CACNA1B: variants seen among roughly 807,000 people sequenced by gnomAD.
The protein encoded by CACNA1B is calcium voltage-gated channel subunit alpha1 B.
A neutral mutation model predicts 247.2 loss-of-function variants in CACNA1B; 70 were observed. That is an observed-to-expected ratio of 0.28 (90% CI 0.23 to 0.35). The LOEUF (loss-of-function observed/expected upper bound fraction) is 0.35. CACNA1B is among the 10% of genes least tolerant of loss of function. The pLI, the probability that CACNA1B is intolerant of heterozygous loss-of-function variation, is 1.00. For missense variants in CACNA1B, 2,367 were observed against 3,197.4 expected (o/e 0.74, Z 6.26); for synonymous variants, 1,231 against 1,294.4 (o/e 0.95, Z 1.05).
At chr9:137,904,056 T>A (rs548088630) in intron 3 of CACNA1B, among the ~76,000 whole-genome samples, 1 of 152,296 alleles carries the variant, frequency 6.6e-6, no homozygotes, top group South Asian at 2.1e-4. Context: ...TCCTGCCAGT[T>A]TTTTCCTTTC....
chr9:138,025,304 G>T, intron 20 of CACNA1B, 132 bp downstream of exon 20: 1 of 644,508 alleles, frequency 1.6e-6, no homozygotes, highest in Non-Finnish European at 2.8e-6. Flanking sequence ...GCTGGAGAGA[G>T]AGTCCTTTGC....
intron 6 of CACNA1B, among the ~76,000 whole-genome samples, chr9:137,921,866 C>G (rs1589007971): frequency 6.8e-6 from 1 of 146,600 alleles, no homozygotes; most frequent in African/African-American, 2.6e-5. Flanking sequence ...GTTTGGAGAA[C>G]ATGATCAGCA....
At chr9:137,961,757 T>C (rs1218654026) in intron 10 of CACNA1B, among the ~76,000 whole-genome samples, 2 of 152,232 alleles carry the variant, frequency 1.3e-5, no homozygotes, top group Non-Finnish European at 2.9e-5. Flanking sequence ...GATAAGCTTT[T>C]TGATGTGCTG....
At chr9:137,945,266 A>G (rs1957781823) in intron 6 of CACNA1B, among the ~76,000 whole-genome samples, 1 of 152,324 alleles carries the variant, frequency 6.6e-6, no homozygotes, top group Admixed American at 6.5e-5. Flanking sequence ...AATCAGAGGG[A>G]ATGGATGGAG....
chr9:137,881,235 G>A lies in CACNA1B; in HGVS notation c.391-1509G>A, dbSNP rs118103462. On this transcript the variant is annotated intron_variant, in intron 2 of 46. Transcript: ENST00000371372. The surrounding 1 kb of genome is among the most constrained non-coding windows in gnomAD (Gnocchi z 4.3). ...CTAAACAAATCAGACCAGAAGGCTC[G>A]AGGCCAGGAAGAGCATGGGCGAGTC... 7.0e-4 allele frequency among the ~76,000 whole-genome samples: 106 copies of A among 152,304 alleles called. 1 individual carries two copies. The East Asian group carries it at 0.012, about 17-fold the overall frequency.
At position 137,881,120 on chromosome 9, in the gene CACNA1B, T is replaced by G. The variant is rs1199928107; in HGVS notation, c.391-1624T>G. 6.6e-6 allele frequency among the ~76,000 whole-genome samples: 1 copy of G among 152,172 alleles called. No individual in the cohort carries two copies. The highest frequency in any genetic ancestry group is 2.4e-5 in the African/African-American group (1 of 41,444). On this transcript the variant is annotated intron_variant, in intron 2 of 46. Transcript: ENST00000371372. The surrounding 1 kb of genome is among the most constrained non-coding windows in gnomAD (Gnocchi z 4.3). ...GCCTGTTCTCTTTTTCACCAGGAAG[T>G]TTCCTGTGAAGATCTCTGTCTGCTG...
intron 20 of CACNA1B, among the ~76,000 whole-genome samples, chr9:138,043,517 G>A (rs1959155188): frequency 1.3e-5 from 2 of 152,180 alleles, no homozygotes; most frequent in South Asian, 4.1e-4. Flanking sequence ...CACGGGTGCT[G>A]GGCTCGGTGT....
At position 138,023,111 on chromosome 9, in the gene CACNA1B, G is replaced by C. The variant is rs763316946; in HGVS notation, c.2368G>C (p.Glu790Gln). 6.5e-7 allele frequency: 1 copy of C among 1,535,890 alleles called. No individual in the cohort carries two copies. Among genetic ancestry groups the C allele is most frequent in the Non-Finnish European group, 8.7e-7 (1 of 1,148,378 alleles). The change falls in exon 19 of 47, where the codon GAG becomes CAG. Residue 790 changes from glutamate to glutamine, a missense_variant. Glu to Gln is a conservative substitution (Grantham distance 29). This residue lies in a region of CACNA1B where 631 missense variants were observed against 631.1 expected (regional missense o/e 1.00). Coordinates refer to ENST00000371372, the MANE Select transcript of CACNA1B (RefSeq NM_000718.4). ...GGCCAGCTGCGAGGCGCTGTACAGCGAGATGGACCCCGAGGAGCGGCTGCG... is the reference window on the plus strand; with the variant it reads ...GGCCAGCTGCGAGGCGCTGTACAGCCAGATGGACCCCGAGGAGCGGCTGCG... ...LRASCEALYSEMDPEERLRFA... is the reference protein window; with the variant it reads ...LRASCEALYSQMDPEERLRFA...
chr9:138,107,706 C>T (rs970900230), intron 39 of CACNA1B, among the ~76,000 whole-genome samples: 6 of 152,038 alleles, frequency 3.9e-5, no homozygotes, highest in East Asian at 3.9e-4. Flanking sequence ...GACTAATGGC[C>T]GGGCGCAGTG....
chr9:137,964,911 G>C (rs1434867765), intron 10 of CACNA1B, among the ~76,000 whole-genome samples: 50 of 152,184 alleles, frequency 3.3e-4, no homozygotes, highest in Admixed American at 3.3e-3. Context: ...TTTTCTGTTT[G>C]TTTGCTTTCC....
intron 31 of CACNA1B, among the ~76,000 whole-genome samples, chr9:138,069,416 A>G (rs1216565576): frequency 1.3e-5 from 2 of 152,228 alleles, no homozygotes; most frequent in Non-Finnish European, 2.9e-5. Flanking sequence ...TGCATTACAA[A>G]CAAGAATGCA....
intron 20 of CACNA1B, among the ~76,000 whole-genome samples, chr9:138,042,004 A>G (rs1312767786): frequency 6.6e-6 from 1 of 152,132 alleles, no homozygotes; most frequent in Non-Finnish European, 1.5e-5. Context: ...TCCTGGACTC[A>G]AGGGATCCCT....
chr9:137,931,641 G>T (rs532468436), intron 6 of CACNA1B, among the ~76,000 whole-genome samples: 1 of 152,040 alleles, frequency 6.6e-6, no homozygotes, highest in South Asian at 2.1e-4. Flanking sequence ...GCTTCATGCT[G>T]ATTTGGGCAC....
At chr9:137,941,817 T>TA (rs1002428651) in intron 6 of CACNA1B, among the ~76,000 whole-genome samples, 5 of 152,166 alleles carry the variant, frequency 3.3e-5, no homozygotes, top group African/African-American at 1.2e-4. Context: ...TCTTACCTTA[T>TA]AAAAAATCAA....
intron 13 of CACNA1B, among the ~76,000 whole-genome samples, chr9:137,985,092 C>T (rs7870208): frequency 0.28 from 41,847 of 152,142 alleles, 7,982 homozygotes; most frequent in East Asian, 0.64. Context: ...GCAGAACTGC[C>T]GACACTGAGC....
At chr9:137,920,431 A>C (rs1425735292) in intron 6 of CACNA1B, among the ~76,000 whole-genome samples, 1 of 152,196 alleles carries the variant, frequency 6.6e-6, no homozygotes, top group Non-Finnish European at 1.5e-5. Context: ...TCCTGACCTC[A>C]AGTGATCTAC....
chr9:137,882,051 G>A lies in CACNA1B; in HGVS notation c.391-693G>A, dbSNP rs1956929547. On this transcript the variant is annotated intron_variant, in intron 2 of 46. Coordinates refer to ENST00000371372, the MANE Select transcript of CACNA1B (RefSeq NM_000718.4). This position sits in a 1 kb window ranked among gnomAD's most constrained non-coding sequence, Gnocchi z 4.0. ...TGCCTCCAGGGTCCTCACAGATGTGGCGGTCGTCGCTCAGCACACTCAGGG... is the reference window on the plus strand; with the variant it reads ...TGCCTCCAGGGTCCTCACAGATGTGACGGTCGTCGCTCAGCACACTCAGGG... 6.6e-6 allele frequency among the ~76,000 whole-genome samples: 1 copy of A among 152,204 alleles called. No homozygotes were observed. Among genetic ancestry groups the A allele is most frequent in the Admixed American group, 6.5e-5 (1 of 15,278 alleles).
Position 138,052,077 on chromosome 9 carries a change from G to A in CACNA1B, c.3711-15G>A. On this transcript the variant is annotated splice_polypyrimidine_tract_variant and intron_variant, in intron 24 of 46. Coordinates refer to ENST00000371372, the MANE Select transcript of CACNA1B (RefSeq NM_000718.4). This position sits in a 1 kb window ranked among gnomAD's most constrained non-coding sequence, Gnocchi z 5.1. ...TGCCTCCTGCCTGTCTGCATCTGTG[G>A]CTTCTCCCTTCTAGAGGATCCAAAG... 1 of 1,514,162 alleles carries A rather than the reference G, an allele frequency of 6.6e-7. No individual in the cohort carries two copies. The highest frequency in any genetic ancestry group is 9.2e-7 in the Non-Finnish European group (1 of 1,091,104). The allele number at this position is 1,514,162 out of a possible 1,614,324, so 93.8% of individuals were successfully genotyped here.
rs1210951590 is a variant in CACNA1B, at chr9:137,881,042, G to T, written c.391-1702G>T. 6.6e-6 allele frequency among the ~76,000 whole-genome samples: 1 copy of T among 152,262 alleles called. No homozygotes were observed. The highest frequency in any genetic ancestry group is 1.5e-5 in the Non-Finnish European group (1 of 68,044). ...GCAGAGCTGTGAGGAGAGGGCTCGG[G>T]CTGGGGGCTCCTTCCCAGCTGAGGG... is the stretch of plus-strand genomic sequence containing the variant. On this transcript the variant is annotated intron_variant, in intron 2 of 46. Transcript: ENST00000371372. This position sits in a 1 kb window ranked among gnomAD's most constrained non-coding sequence, Gnocchi z 4.3.
Sources: allele counts gnomAD v4.1 joint callset (sites outside exome capture counted in the v4.1 genomes callset), GRCh38; gene constraint gnomAD v4.1.1; regional missense constraint gnomAD v4.1.1; non-coding constraint Gnocchi (gnomAD v3.1); transcripts MANE v1.5; gene names NCBI Gene and HGNC (gene_info 2026-07-23, HGNC 2026-07-21).